CHST9: variants seen among roughly 807,000 people sequenced by gnomAD.
The protein encoded by CHST9 is carbohydrate sulfotransferase 9, also known as GalNAc-4-sulfotransferase 2.
CHST9 carries 41 observed loss-of-function variants against 44.4 expected under a neutral mutation model. The ratio of observed to expected loss-of-function variants is 0.92; its 90% CI spans 0.72 to 1.20. The LOEUF (loss-of-function observed/expected upper bound fraction) is 1.20. Ranked by LOEUF, CHST9 falls within the 50% of genes most tolerant of loss-of-function variation. The pLI is 0.00. For synonymous variants in CHST9, 171 were observed against 178.4 expected (o/e 0.96, Z 0.33); for missense variants, 504 against 516.5 (o/e 0.98, Z 0.23).
At chr18:27,119,095 T>G (rs1384009120) in intron 2 of CHST9, among the ~76,000 whole-genome samples, 1 of 152,194 alleles carries the variant, frequency 6.6e-6, no homozygotes, top group Admixed American at 6.6e-5. Flanking sequence ...TCATAGGCTC[T>G]GGGCAAGGGG....
intron 2 of CHST9, among the ~76,000 whole-genome samples, chr18:27,097,264 T>C (rs1347094697): frequency 1.3e-5 from 2 of 152,002 alleles, no homozygotes; most frequent in Non-Finnish European, 2.9e-5. Flanking sequence ...ATAAGAGCCA[T>C]CTATGACAAA....
chr18:27,069,166 G>A (rs1232051198), intron 2 of CHST9, among the ~76,000 whole-genome samples: 1 of 152,148 alleles, frequency 6.6e-6, no homozygotes, highest in Admixed American at 6.5e-5. Flanking sequence ...ATAAGTAACT[G>A]TAGAATAGAT....
chr18:27,102,377 G>A (rs1265330844), intron 2 of CHST9, among the ~76,000 whole-genome samples: 1 of 152,118 alleles, frequency 6.6e-6, no homozygotes, highest in Non-Finnish European at 1.5e-5. Flanking sequence ...TGATGATTAA[G>A]GCTTGAGAAA....
At chr18:27,089,003 G>T (rs1476112171) in intron 2 of CHST9, among the ~76,000 whole-genome samples, 1 of 152,136 alleles carries the variant, frequency 6.6e-6, no homozygotes, top group African/African-American at 2.4e-5. Flanking sequence ...GATTTGATTT[G>T]ATATTAAAAC....
At chr18:27,175,675 T>C (rs545980110) in intron 1 of CHST9, among the ~76,000 whole-genome samples, 9 of 152,052 alleles carry the variant, frequency 5.9e-5, no homozygotes, top group Non-Finnish European at 1.2e-4. Flanking sequence ...TGTTTGCATA[T>C]GGCACATGTG....
chr18:26,943,394 A>ATGATAGGAACTAGATAGGAACATGATG (rs2056113715), intron 5 of CHST9, among the ~76,000 whole-genome samples: 1 of 152,226 alleles, frequency 6.6e-6, no homozygotes, highest in Admixed American at 6.5e-5. Flanking sequence ...ATGGACTGAC[A>ATGATAGGAACTAGATAGGAACATGATG]ATAGGAACTA....
chr18:27,175,253 G>C (rs2058859527), intron 1 of CHST9, among the ~76,000 whole-genome samples: 1 of 151,594 alleles, frequency 6.6e-6, no homozygotes, highest in Admixed American at 6.6e-5. Flanking sequence ...CATATGAATA[G>C]GTAACTTTCA....
intron 3 of CHST9, among the ~76,000 whole-genome samples, chr18:27,028,419 A>T (rs1323064119): frequency 6.6e-6 from 1 of 152,158 alleles, no homozygotes; most frequent in Non-Finnish European, 1.5e-5. Context: ...CACAGGAGGG[A>T]TCAGGAGTTT....
At chr18:27,148,081 A>T (rs1462798389) in intron 1 of CHST9, among the ~76,000 whole-genome samples, 1 of 151,772 alleles carries the variant, frequency 6.6e-6, no homozygotes, top group Non-Finnish European at 1.5e-5. Context: ...TGTTCTCATC[A>T]TTGAGCACCT....
At chr18:27,042,280 G>T (rs929351160) in intron 3 of CHST9, among the ~76,000 whole-genome samples, 1 of 152,078 alleles carries the variant, frequency 6.6e-6, no homozygotes, top group African/African-American at 2.4e-5. Flanking sequence ...AAGTGACCTT[G>T]ACCAAGTCAC....
intron 1 of CHST9, among the ~76,000 whole-genome samples, chr18:27,144,673 A>C (rs1294366148): frequency 6.6e-6 from 1 of 152,182 alleles, no homozygotes; most frequent in African/African-American, 2.4e-5. Flanking sequence ...TAGGCAACAG[A>C]GCGAGACTCT....
intron 1 of CHST9, among the ~76,000 whole-genome samples, chr18:27,156,886 G>A (rs2058701884): frequency 6.6e-6 from 1 of 151,982 alleles, no homozygotes; most frequent in African/African-American, 2.4e-5. Context: ...TATACAAAAT[G>A]TTTGGCATTG....
intron 4 of CHST9, among the ~76,000 whole-genome samples, chr18:26,969,564 C>T (rs2056514858): frequency 2.0e-5 from 3 of 152,262 alleles, no homozygotes; most frequent in East Asian, 1.9e-4. Context: ...CTGGGCTCTG[C>T]GCACACAGCA....
At chr18:27,062,387 C>T (rs940900950) in intron 2 of CHST9, among the ~76,000 whole-genome samples, 1 of 152,082 alleles carries the variant, frequency 6.6e-6, no homozygotes, top group Admixed American at 6.5e-5. Context: ...GTTCAATTCC[C>T]ACCTATGAGT....
At chr18:27,135,649 G>A (rs141012477) in intron 2 of CHST9, among the ~76,000 whole-genome samples, 3 of 152,242 alleles carry the variant, frequency 2.0e-5, no homozygotes, top group East Asian at 3.9e-4. Context: ...AAAAATCCCC[G>A]TATCGGGGCC....
chr18:26,943,730 T>C (rs1220947464), intron 5 of CHST9, among the ~76,000 whole-genome samples: 1 of 152,142 alleles, frequency 6.6e-6, no homozygotes, highest in African/African-American at 2.4e-5. Context: ...TGGCTGCAGG[T>C]CTCAAGCTCC....
intron 3 of CHST9, among the ~76,000 whole-genome samples, chr18:27,028,643 G>T (rs34738073): frequency 0.13 from 19,392 of 152,080 alleles, 1,349 homozygotes; most frequent in East Asian, 0.26. Flanking sequence ...TGCCTTCCGG[G>T]TTCACGCCGT....
intron 4 of CHST9, among the ~76,000 whole-genome samples, chr18:26,953,998 G>A (rs955632376): frequency 1.1e-4 from 16 of 152,104 alleles, no homozygotes; most frequent in African/African-American, 1.9e-4. Flanking sequence ...GTGCAAATAC[G>A]CCCATTATAG....
At chr18:27,091,216 G>A (rs987660517) in intron 2 of CHST9, among the ~76,000 whole-genome samples, 2 of 152,122 alleles carry the variant, frequency 1.3e-5, no homozygotes, top group Non-Finnish European at 2.9e-5. Flanking sequence ...ACTTGTGAAT[G>A]GGAGTTCACT....
Sources: gnomAD v4.1 joint callset for allele counts (sites outside exome capture counted in the v4.1 genomes callset) on GRCh38, gnomAD v4.1.1 for gene constraint, MANE v1.5 for transcripts, NCBI Gene and HGNC (gene_info 2026-07-23, HGNC 2026-07-21) for gene names.